MAGI2: variants seen among roughly 807,000 people sequenced by gnomAD.
MAGI2 encodes the protein membrane associated guanylate kinase, WW and PDZ domain containing 2.
MAGI2 carries 35 observed loss-of-function variants against 133.3 expected under a neutral mutation model. The observed-to-expected ratio is 0.26, with a 90% CI of 0.20 to 0.35. The LOEUF (loss-of-function observed/expected upper bound fraction) is 0.35. MAGI2 is among the 10% of genes least tolerant of loss of function. The pLI, the probability that MAGI2 is intolerant of heterozygous loss-of-function variation, is 1.00. For missense variants in MAGI2, 1,636 were observed against 1,863.4 expected (o/e 0.88, Z 2.25); for synonymous variants, 729 against 710.6 (o/e 1.03, Z -0.41).
At chr7:78,576,231 T>C (rs1480009151) in intron 3 of MAGI2, among the ~76,000 whole-genome samples, 1 of 152,150 alleles carries the variant, frequency 6.6e-6, no homozygotes, top group African/African-American at 2.4e-5. Context: ...TAGAACTTTT[T>C]CAAGAATCCA....
chr7:78,057,523 T>A (rs1812715950), intron 21 of MAGI2, among the ~76,000 whole-genome samples: 1 of 152,164 alleles, frequency 6.6e-6, no homozygotes, highest in Admixed American at 6.5e-5. Context: ...GTGTGTTTGT[T>A]TAAATAGTTG....
At chr7:79,263,009 G>T (rs780310629) in intron 1 of MAGI2, among the ~76,000 whole-genome samples, 11 of 152,054 alleles carry the variant, frequency 7.2e-5, no homozygotes, top group Non-Finnish European at 1.3e-4. Flanking sequence ...ATGTTGTTGT[G>T]CTTGGCTTAT....
chr7:78,529,663 A>G (rs1262414326), intron 3 of MAGI2, among the ~76,000 whole-genome samples: 4 of 88,400 alleles, frequency 4.5e-5, no homozygotes, highest in Admixed American at 2.5e-4. Flanking sequence ...TTGCTAAAGG[A>G]GATGGTTTTT....
rs71095390 is a variant in MAGI2, at chr7:79,280,926, G to GAAAAAAAAAAAAAAA, written c.301+172079_301+172093dup. Among the ~76,000 whole-genome samples, 6 of 35,788 alleles carry GAAAAAAAAAAAAAAA rather than the reference G, an allele frequency of 1.7e-4. 1 individual carries two copies. Among genetic ancestry groups the GAAAAAAAAAAAAAAA allele is most frequent in the South Asian group, 2.3e-3 (1 of 442 alleles). The allele number at this position is 35,788 out of a possible 152,430, so 23.5% of individuals were successfully genotyped here. A position where few individuals can be genotyped will look rare whatever the true frequency, so the allele number is the denominator to read the frequency against. On this transcript the variant is annotated intron_variant, in intron 1 of 21. Coordinates refer to ENST00000354212, the MANE Select transcript of MAGI2 (RefSeq NM_012301.4). Reference sequence around the variant, plus strand: ...GGTGACAGAGCAAGACTCTGTCTCTGAAAAAAAAAAAAAAAAAAAAAAAAA... The same window carrying GAAAAAAAAAAAAAAA: ...GGTGACAGAGCAAGACTCTGTCTCTGAAAAAAAAAAAAAAAAAAAAAAAAAAAAAAAAAAAAAAAA...
At chr7:78,569,043 C>T (rs1469226913) in intron 3 of MAGI2, among the ~76,000 whole-genome samples, 3 of 152,026 alleles carry the variant, frequency 2.0e-5, no homozygotes, top group East Asian at 3.9e-4. Context: ...GGATTCTGCT[C>T]AGATATCTTG....
At chr7:79,155,025 A>G (rs1823629775) in intron 1 of MAGI2, among the ~76,000 whole-genome samples, 1 of 152,140 alleles carries the variant, frequency 6.6e-6, no homozygotes, top group Admixed American at 6.6e-5. Context: ...ACAGTCCATA[A>G]TATGTTCAGG....
intron 3 of MAGI2, chr7:78,615,591 T>A (rs1806993521): frequency 6.6e-6 from 1 of 152,254 alleles, no homozygotes; most frequent in Non-Finnish European, 1.5e-5. Flanking sequence ...CATCCTCCAA[T>A]GCCAGATCCC....
chr7:78,913,820 G>C (rs528175019), intron 2 of MAGI2, among the ~76,000 whole-genome samples: 20 of 152,196 alleles, frequency 1.3e-4, no homozygotes, highest in Admixed American at 2.0e-4. Flanking sequence ...TTTTAAAAAA[G>C]GAAATGACAA....
At chr7:78,085,562 A>ACACACACC (rs1816543218) in intron 20 of MAGI2, among the ~76,000 whole-genome samples, 1 of 138,854 alleles carries the variant, frequency 7.2e-6, no homozygotes, top group African/African-American at 3.2e-5. Context: ...ACACACACAC[A>ACACACACC]CACACACACA....
At chr7:78,854,773 T>C (rs1225305077) in intron 2 of MAGI2, among the ~76,000 whole-genome samples, 1 of 152,204 alleles carries the variant, frequency 6.6e-6, no homozygotes, top group African/African-American at 2.4e-5. Flanking sequence ...CTGTACTTCT[T>C]GTTACAGATT....
chr7:78,646,371 A>T (rs746306159), intron 2 of MAGI2, among the ~76,000 whole-genome samples: 32 of 152,198 alleles, frequency 2.1e-4, no homozygotes, highest in Non-Finnish European at 4.3e-4. Context: ...GTTTATGATG[A>T]GTAATGCTGC....
chr7:79,206,629 C>T (rs1245831848), intron 1 of MAGI2, among the ~76,000 whole-genome samples: 1 of 151,854 alleles, frequency 6.6e-6, no homozygotes, highest in Non-Finnish European at 1.5e-5. Context: ...CCATTGAATT[C>T]TAATAAACAT....
intron 20 of MAGI2, among the ~76,000 whole-genome samples, chr7:78,105,780 A>G (rs1583923147): frequency 6.6e-6 from 1 of 152,052 alleles, no homozygotes; most frequent in Non-Finnish European, 1.5e-5. Context: ...ATGTTTTGAT[A>G]CAGGCATACA....
At position 78,069,829 on chromosome 7, in the gene MAGI2, C is replaced by T. The variant is rs148311788; in HGVS notation, c.3706+9118G>A. On this transcript the variant is annotated intron_variant, in intron 21 of 21. Transcript: ENST00000354212. ...ACTCTTAGGGAAAGCAGCCCTCTTG[C>T]GGGAGAGCTCAACTTTGTGTTGGGG... Among the ~76,000 whole-genome samples the T allele has an allele frequency of 5.3e-5, 8 of 151,920 alleles. No homozygotes were observed. In the East Asian group the frequency reaches 9.7e-4, roughly 18 times the overall value.
At chr7:78,765,510 G>A (rs373229269) in intron 2 of MAGI2, among the ~76,000 whole-genome samples, 3 of 151,676 alleles carry the variant, frequency 2.0e-5, no homozygotes, top group Admixed American at 6.6e-5. Flanking sequence ...TACCACACCC[G>A]GCTAATTTTT....
At chr7:78,495,530 G>T (rs1356781306) in intron 5 of MAGI2, among the ~76,000 whole-genome samples, 1 of 151,874 alleles carries the variant, frequency 6.6e-6, no homozygotes, top group African/African-American at 2.4e-5. Context: ...ATTACTAAAG[G>T]CAATGATCGG....
chr7:79,340,853 A>G (rs1238815677), intron 1 of MAGI2, among the ~76,000 whole-genome samples: 2 of 152,064 alleles, frequency 1.3e-5, no homozygotes, highest in Admixed American at 1.3e-4. Flanking sequence ...CATCCCTAGG[A>G]TGGCCATTTA....
chr7:78,908,520 A>G (rs113006355), intron 2 of MAGI2, among the ~76,000 whole-genome samples: 6 of 152,334 alleles, frequency 3.9e-5, no homozygotes, highest in African/African-American at 1.4e-4. Flanking sequence ...ATTCTAAGAC[A>G]AGAAGAATGG....
At chr7:78,925,733 T>C (rs532613957) in intron 2 of MAGI2, among the ~76,000 whole-genome samples, 11 of 152,170 alleles carry the variant, frequency 7.2e-5, no homozygotes, top group African/African-American at 2.6e-4. Context: ...TTGCAAAATG[T>C]ATTTTTCAAA....
Sources: allele counts gnomAD v4.1 joint callset (sites outside exome capture counted in the v4.1 genomes callset), GRCh38; gene constraint gnomAD v4.1.1; transcripts MANE v1.5; gene names NCBI Gene and HGNC (gene_info 2026-07-23, HGNC 2026-07-21).